Variants in PARD3B observed in about 807,000 individuals in gnomAD.
PARD3B encodes partitioning defective 3 homolog B.
PARD3B carries 103 observed loss-of-function variants against 130.2 expected under a neutral mutation model. The ratio of observed to expected loss-of-function variants is 0.79; its 90% CI spans 0.67 to 0.93. The LOEUF is 0.93. PARD3B is among the 40% of genes least tolerant of loss of function. PARD3B has a pLI of 0.00. For missense variants in PARD3B, 1,609 were observed against 1,499.2 expected, an observed-to-expected ratio of 1.07 and a Z score of -1.21; for synonymous variants, 583 against 553.2, an observed-to-expected ratio of 1.05 and a Z score of -0.76.
At chr2:204,624,038 C>G (rs2034396524) in intron 1 of PARD3B, among the ~76,000 whole-genome samples, 1 of 152,098 alleles carries the variant, frequency 6.6e-6, no homozygotes, top group Non-Finnish European at 1.5e-5. Flanking sequence ...TTTATTCATT[C>G]ATCTGTTGGT....
chr2:204,847,086 T>G (rs1423324522), intron 2 of PARD3B, among the ~76,000 whole-genome samples: 3 of 152,108 alleles, frequency 2.0e-5, no homozygotes, highest in African/African-American at 7.2e-5. Flanking sequence ...GCCACGTATT[T>G]CTATATCCTG....
intron 2 of PARD3B, among the ~76,000 whole-genome samples, chr2:204,830,534 C>T (rs1420567573): frequency 6.6e-6 from 1 of 152,156 alleles, no homozygotes; most frequent in Non-Finnish European, 1.5e-5. Context: ...AATGTATGGA[C>T]ACCTGGCATG....
rs539429686 is a variant in PARD3B, at chr2:205,183,394, A to G, written c.1925-2370A>G. Among the ~76,000 whole-genome samples, 2 of 147,450 alleles carry G rather than the reference A, an allele frequency of 1.4e-5. No homozygotes were observed. The highest frequency in any genetic ancestry group is 3.9e-4 in the East Asian group (2 of 5,180). ...GAGGATAGAAGATGAGAGCCAACAG[A>G]AAGGAAGTTGTCCCAGGATGTCCAT... On this transcript the variant is annotated intron_variant, in intron 13 of 22. Coordinates refer to ENST00000406610, the MANE Select transcript of PARD3B (RefSeq NM_001302769.2). This position sits in a 1 kb window ranked among gnomAD's most constrained non-coding sequence, Gnocchi z 5.2.
chr2:204,944,046 G>T (rs1689121003), intron 2 of PARD3B, among the ~76,000 whole-genome samples: 1 of 151,384 alleles, frequency 6.6e-6, no homozygotes, highest in African/African-American at 2.4e-5. Flanking sequence ...AAGAAGAAGA[G>T]AAATAGTGAG....
intron 19 of PARD3B, among the ~76,000 whole-genome samples, chr2:205,434,873 A>C (rs1169886636): frequency 6.6e-6 from 1 of 150,500 alleles, no homozygotes; most frequent in Non-Finnish European, 1.5e-5. Context: ...GTTGTTAGGA[A>C]ATTTTTTATA....
At chr2:204,951,250 C>G (rs1266406969) in intron 2 of PARD3B, among the ~76,000 whole-genome samples, 1 of 152,142 alleles carries the variant, frequency 6.6e-6, no homozygotes, top group Middle Eastern at 3.2e-3. Flanking sequence ...CACTGGGCCC[C>G]AGAAGTTATG....
intron 1 of PARD3B, among the ~76,000 whole-genome samples, chr2:204,612,445 T>G (rs2033963032): frequency 6.6e-6 from 1 of 152,154 alleles, no homozygotes; most frequent in Admixed American, 6.5e-5. Context: ...CCAGTTATGT[T>G]TAGTTTAGAA....
At chr2:204,803,899 A>C (rs533203117) in intron 2 of PARD3B, among the ~76,000 whole-genome samples, 223 of 152,286 alleles carry the variant, frequency 1.5e-3, no homozygotes, top group South Asian at 0.011. Context: ...CTCTGCAATC[A>C]AAAGACAGAT....
chr2:204,581,925 C>T (rs569872377), intron 1 of PARD3B, among the ~76,000 whole-genome samples: 1 of 152,190 alleles, frequency 6.6e-6, no homozygotes, highest in South Asian at 2.1e-4. Flanking sequence ...TATTTTAACC[C>T]CTTTGAGACT....
chr2:204,783,679 T>C (rs2041916439), intron 2 of PARD3B, among the ~76,000 whole-genome samples: 1 of 152,120 alleles, frequency 6.6e-6, no homozygotes, highest in Non-Finnish European at 1.5e-5. Context: ...GACAACCTAC[T>C]TTACAAAGGA....
chr2:205,552,410 A>G (rs934021548), intron 21 of PARD3B, among the ~76,000 whole-genome samples: 1 of 151,950 alleles, frequency 6.6e-6, no homozygotes, highest in Admixed American at 6.6e-5. Context: ...TTATTTGTTT[A>G]TTTATTTATT....
At chr2:205,472,245 C>T (rs560500839) in intron 20 of PARD3B, among the ~76,000 whole-genome samples, 46 of 152,248 alleles carry the variant, frequency 3.0e-4, no homozygotes, top group Middle Eastern at 3.4e-3. Flanking sequence ...TAAACCGTCT[C>T]TGGATTTATA....
chr2:205,035,215 T>C (rs551300570), intron 3 of PARD3B, among the ~76,000 whole-genome samples: 1 of 152,250 alleles, frequency 6.6e-6, no homozygotes, highest in South Asian at 2.1e-4. Flanking sequence ...TTCTGAGAGA[T>C]TGAATAAATG....
chr2:204,791,030 G>T (rs1172273504), intron 2 of PARD3B, among the ~76,000 whole-genome samples: 1 of 151,996 alleles, frequency 6.6e-6, no homozygotes, highest in Non-Finnish European at 1.5e-5. Context: ...ACTTGAACCC[G>T]GGAAGCAGAG....
At chr2:204,984,663 G>C (rs1207001475) in intron 3 of PARD3B, among the ~76,000 whole-genome samples, 1 of 151,992 alleles carries the variant, frequency 6.6e-6, no homozygotes, top group Non-Finnish European at 1.5e-5. Context: ...TTGTAGGAGG[G>C]GCTTTCTCCT....
At chr2:205,358,443 T>C (rs1206067372) in intron 18 of PARD3B, among the ~76,000 whole-genome samples, 4 of 152,206 alleles carry the variant, frequency 2.6e-5, no homozygotes, top group African/African-American at 9.6e-5. Context: ...AATCTGTTGT[T>C]TTGTGGCTTA....
chr2:204,797,008 C>A (rs1337069479), intron 2 of PARD3B, among the ~76,000 whole-genome samples: 1 of 151,854 alleles, frequency 6.6e-6, no homozygotes, highest in East Asian at 1.9e-4. Flanking sequence ...AACCTCGCCT[C>A]TACTAAAAAT....
intron 15 of PARD3B, among the ~76,000 whole-genome samples, chr2:205,242,045 G>A (rs1292915677): frequency 6.6e-6 from 1 of 152,118 alleles, no homozygotes; most frequent in African/African-American, 2.4e-5. Flanking sequence ...TATAAAAGAT[G>A]ATTGTTCCAA....
chr2:205,086,060 C>T (rs1456565148), intron 4 of PARD3B, among the ~76,000 whole-genome samples: 1 of 152,182 alleles, frequency 6.6e-6, no homozygotes, highest in African/African-American at 2.4e-5. Context: ...CTAGCAAGAA[C>T]ATACTGCTTT....
Sources: gnomAD v4.1 joint callset for allele counts (sites outside exome capture counted in the v4.1 genomes callset) on GRCh38, gnomAD v4.1.1 for gene constraint, Gnocchi (gnomAD v3.1) non-coding constraint, MANE v1.5 for transcripts, NCBI Gene and HGNC (gene_info 2026-07-23, HGNC 2026-07-21) for gene names.